Variants in IQGAP1 observed in about 807,000 individuals in gnomAD.
IQGAP1 encodes the protein ras GTPase-activating-like protein IQGAP1.
IQGAP1 carries 66 observed loss-of-function variants against 215.6 expected under a neutral mutation model. The observed-to-expected ratio is 0.31, with a 90% confidence interval of 0.25 to 0.38. IQGAP1 has a LOEUF of 0.38. IQGAP1 is among the 10% of genes least tolerant of loss of function. IQGAP1 has a pLI of 1.00. For synonymous variants in IQGAP1, 772 were observed against 728.7 expected (o/e 1.06, Z -0.96); for missense variants, 1,712 against 1,997.1 (o/e 0.86, Z 2.72).
At chr15:90,427,325 C>T (rs1419498812) in intron 3 of IQGAP1, among the ~76,000 whole-genome samples, 4 of 152,136 alleles carry the variant, frequency 2.6e-5, no homozygotes, top group East Asian at 1.9e-4. Context: ...CATCACCCTG[C>T]GTTGCTGGAG....
chr15:90,445,728 C>T (rs1965518218), intron 9 of IQGAP1, among the ~76,000 whole-genome samples: 1 of 152,100 alleles, frequency 6.6e-6, no homozygotes, highest in Non-Finnish European at 1.5e-5. Context: ...TCTCATTGTT[C>T]ATTTGGAGGG....
intron 18 of IQGAP1, among the ~76,000 whole-genome samples, chr15:90,469,236 A>C (rs540006250): frequency 6.6e-6 from 1 of 152,290 alleles, no homozygotes; most frequent in South Asian, 2.1e-4. Flanking sequence ...CGTTAGACAT[A>C]TTACTAACAG....
intron 5 of IQGAP1, among the ~76,000 whole-genome samples, chr15:90,438,101 G>A (rs1005488945): frequency 6.6e-6 from 1 of 152,174 alleles, no homozygotes; most frequent in Non-Finnish European, 1.5e-5. Context: ...TGTACATGAT[G>A]CGTGTTTGTA....
intron 2 of IQGAP1, among the ~76,000 whole-genome samples, chr15:90,396,146 G>T (rs918850903): frequency 6.6e-6 from 1 of 152,156 alleles, no homozygotes; most frequent in Non-Finnish European, 1.5e-5. Context: ...ATTAGTTCTT[G>T]GGAACAAAGT....
At chr15:90,407,423 G>A (rs1778042367) in intron 2 of IQGAP1, among the ~76,000 whole-genome samples, 1 of 152,198 alleles carries the variant, frequency 6.6e-6, no homozygotes, top group African/African-American at 2.4e-5. Flanking sequence ...TGAGAGATGG[G>A]AGGGGAGTTC....
At position 90,443,395 on chromosome 15, in the gene IQGAP1, CA is replaced by C; in HGVS notation, c.831del (p.Glu278LysfsTer23). On this transcript the variant is annotated frameshift_variant and splice_region_variant, in exon 9 of 38. Coordinates refer to ENST00000268182, the MANE Select transcript of IQGAP1 (RefSeq NM_003870.4). LOFTEE classifies it high-confidence loss of function. ...QDKMTNAKNR[T>X]ENSERERDVY... ...ATTACGCTTTTTACTCATCCTCAGA[CA>C]GAAAACTCAGAGAGAGAAAGAGATG... 6.2e-7 allele frequency: 1 copy of C among 1,609,424 alleles called. No individual in the cohort carries two copies. Among genetic ancestry groups the C allele is most frequent in the Non-Finnish European group, 8.5e-7 (1 of 1,176,004 alleles).
At chr15:90,445,815 T>G (rs1965519916) in intron 9 of IQGAP1, among the ~76,000 whole-genome samples, 1 of 151,528 alleles carries the variant, frequency 6.6e-6, no homozygotes, top group African/African-American at 2.4e-5. Flanking sequence ...GGATTGGAGT[T>G]TTAAGTCCTG....
At position 90,492,620 on chromosome 15, in the gene IQGAP1, C is replaced by G. The variant is rs1428771835; in HGVS notation, c.4537C>G (p.Leu1513Val). The change falls in exon 35 of 38, where the codon CTG becomes GTG. Residue 1513 changes from leucine (L) to valine (V), a missense_variant. By Grantham distance (32) the Leu-to-Val change is conservative. Around this residue, in one of 2 missense-constraint regions of IQGAP1, gnomAD observed 691 missense variants for 923.0 expected, o/e 0.75. Transcript: ENST00000268182. Reference protein sequence around the residue: ...LVKLQQTYAALNSKATFYGEQ... With the variant: ...LVKLQQTYAAVNSKATFYGEQ... ...GAAACTGCAACAGACATACGCTGCTCTGAACTCTAAGGCCACCTTTTATGG... is the reference window on the plus strand; with the variant it reads ...GAAACTGCAACAGACATACGCTGCTGTGAACTCTAAGGCCACCTTTTATGG... 1 of 1,613,976 alleles carries G rather than the reference C, an allele frequency of 6.2e-7. No homozygotes were observed. Among genetic ancestry groups the G allele is most frequent in the Admixed American group, 1.7e-5 (1 of 60,000 alleles).
intron 9 of IQGAP1, among the ~76,000 whole-genome samples, chr15:90,444,984 G>A (rs967891111): frequency 2.6e-5 from 4 of 152,122 alleles, no homozygotes; most frequent in African/African-American, 7.2e-5. Flanking sequence ...CTAGCTGGAC[G>A]TGGTGACATG....
At chr15:90,460,505 GAC>G (rs1434443938) in intron 15 of IQGAP1, among the ~76,000 whole-genome samples, 2 of 152,178 alleles carry the variant, frequency 1.3e-5, no homozygotes, top group Non-Finnish European at 2.9e-5. Context: ...GTCAAATAAA[GAC>G]AGCCATGCGA....
chr15:90,487,163 G>A, intron 32 of IQGAP1, 74 bp downstream of exon 32: 1 of 1,484,716 alleles, frequency 6.7e-7, no homozygotes, highest in Non-Finnish European at 9.3e-7. Flanking sequence ...GGAACCTGCT[G>A]GGTCCTACCT....
At chr15:90,489,339 G>A (rs1427939105) in intron 33 of IQGAP1, among the ~76,000 whole-genome samples, 2 of 152,044 alleles carry the variant, frequency 1.3e-5, no homozygotes, top group Non-Finnish European at 2.9e-5. Context: ...TGTTGGCCAG[G>A]CTGGTCTCAA....
chr15:90,485,263 C>A (rs917098965), intron 30 of IQGAP1, among the ~76,000 whole-genome samples: 1 of 152,164 alleles, frequency 6.6e-6, no homozygotes. Flanking sequence ...TTGAGTGCCC[C>A]TACAATAATT....
rs747777430 is a variant in IQGAP1, at chr15:90,491,316, C to G, written c.4249-17C>G. ...AGTGTGGTAAACTTGCTAAGAACTT[C>G]TTTTTCCCATCCGTAGGAAGCAGAA... On this transcript the variant is annotated splice_polypyrimidine_tract_variant and intron_variant, in intron 33 of 37. Coordinates refer to ENST00000268182, the MANE Select transcript of IQGAP1 (RefSeq NM_003870.4). 4 of 1,610,600 alleles carry G rather than the reference C, an allele frequency of 2.5e-6. No homozygotes were observed. The South Asian group carries it at 4.4e-5, about 18-fold the overall frequency.
chr15:90,482,619 G>T, intron 28 of IQGAP1: 2 of 529,958 alleles, frequency 3.8e-6, no homozygotes, highest in East Asian at 8.5e-5. Flanking sequence ...TAAGGCTGTT[G>T]CTGATAACTC....
In IQGAP1 at chr15:90,492,951, A is replaced by G. The variant is rs149321338; in HGVS notation, c.4628+240A>G. Among the ~76,000 whole-genome samples, 1,019 of 152,192 alleles carry G rather than the reference A, an allele frequency of 6.7e-3. 5 individuals are homozygous for G. Among genetic ancestry groups the G allele is most frequent in the Non-Finnish European group, 0.011 (718 of 68,002 alleles). Reference sequence around the variant, plus strand: ...TCGCTAAGTATTCCTTTTGCAAAATATCTTCTTGGGGCCTGTCAAGGTGGC... The same window carrying G: ...TCGCTAAGTATTCCTTTTGCAAAATGTCTTCTTGGGGCCTGTCAAGGTGGC... On this transcript the variant is annotated intron_variant, in intron 35 of 37. Coordinates refer to ENST00000268182, the MANE Select transcript of IQGAP1 (RefSeq NM_003870.4).
chr15:90,456,981 GA>G (rs60769473), intron 15 of IQGAP1, among the ~76,000 whole-genome samples: 5 of 112,242 alleles, frequency 4.5e-5, no homozygotes, highest in African/African-American at 1.2e-4. Flanking sequence ...ATACGATCCA[GA>G]AAAAAAAATA....
At chr15:90,433,175 C>G (rs1316798649) in intron 4 of IQGAP1, among the ~76,000 whole-genome samples, 1 of 152,212 alleles carries the variant, frequency 6.6e-6, no homozygotes, top group African/African-American at 2.4e-5. Context: ...CTAGCTACTT[C>G]ATCTGTGTAG....
chr15:90,393,494 A>C (rs1309624736), intron 2 of IQGAP1: 1 of 151,362 alleles, frequency 6.6e-6, no homozygotes, highest in East Asian at 1.9e-4. Flanking sequence ...TAGTTTGTTG[A>C]ATCCATGGAT....
Sources: allele counts gnomAD v4.1 joint callset (sites outside exome capture counted in the v4.1 genomes callset), GRCh38; gene constraint gnomAD v4.1.1; regional missense constraint gnomAD v4.1.1; transcripts MANE v1.5; gene names NCBI Gene and HGNC (gene_info 2026-07-23, HGNC 2026-07-21).